ATRNL1: variants seen among roughly 807,000 people sequenced by gnomAD.
The protein encoded by ATRNL1 is attractin like 1.
In ATRNL1, 95 loss-of-function variants were observed where a neutral mutation model predicts 182.7. That is an observed-to-expected ratio of 0.52 (90% CI 0.44 to 0.62). The LOEUF (loss-of-function observed/expected upper bound fraction) is 0.62. Ranked by LOEUF, ATRNL1 falls within the 20% of genes least tolerant of loss-of-function variation. ATRNL1 has a pLI of 0.00. For missense variants in ATRNL1, 1,471 were observed against 1,679.5 expected, an observed-to-expected ratio of 0.88 and a Z score of 2.17; for synonymous variants, 576 against 568.3, an observed-to-expected ratio of 1.01 and a Z score of -0.19.
intron 3 of ATRNL1, among the ~76,000 whole-genome samples, chr10:115,125,416 C>A (rs1470903724): frequency 3.3e-5 from 5 of 151,906 alleles, no homozygotes; most frequent in African/African-American, 7.3e-5. Context: ...TGCTTGTACA[C>A]CACACTAAAG....
chr10:115,565,552 C>T (rs1451561747), intron 26 of ATRNL1, among the ~76,000 whole-genome samples: 1 of 151,912 alleles, frequency 6.6e-6, no homozygotes, highest in African/African-American at 2.4e-5. Flanking sequence ...GGCTTTCTAC[C>T]TATGCATTTA....
chr10:115,898,138 G>A (rs1555112939), intron 28 of ATRNL1, among the ~76,000 whole-genome samples: 1 of 152,052 alleles, frequency 6.6e-6, no homozygotes, highest in East Asian at 1.9e-4. Flanking sequence ...TGTTGGCCAG[G>A]ATGGTCTCAA....
intron 26 of ATRNL1, among the ~76,000 whole-genome samples, chr10:115,675,594 C>G (rs763152854): frequency 2.0e-5 from 3 of 152,002 alleles, no homozygotes; most frequent in Non-Finnish European, 4.4e-5. Context: ...ATGCTATCTT[C>G]CAAAGTTCAG....
intron 28 of ATRNL1, 56 bp downstream of exon 28, chr10:115,848,047 G>T (rs948480445): frequency 6.1e-5 from 58 of 948,502 alleles, no homozygotes; most frequent in Non-Finnish European, 9.4e-5. Context: ...CTGAACAGAA[G>T]AAATAAACAA....
At chr10:115,230,749 G>T (rs1223137795) in intron 9 of ATRNL1, among the ~76,000 whole-genome samples, 5 of 152,024 alleles carry the variant, frequency 3.3e-5, no homozygotes, top group African/African-American at 9.7e-5. Flanking sequence ...AGAGGGAGAT[G>T]ATGGTATCTG....
intron 10 of ATRNL1, 106 bp downstream of exon 10, chr10:115,241,831 T>A: frequency 1.1e-6 from 1 of 904,156 alleles, no homozygotes; most frequent in Non-Finnish European, 1.6e-6. Context: ...ATTTTAGAGT[T>A]AAGTGATAGA....
At chr10:115,825,378 A>G (rs1950406360) in intron 27 of ATRNL1, among the ~76,000 whole-genome samples, 1 of 152,242 alleles carries the variant, frequency 6.6e-6, no homozygotes, top group Non-Finnish European at 1.5e-5. Context: ...GTATATACCT[A>G]TGAACAAACC....
chr10:115,916,603 A>G (rs1163351714), intron 28 of ATRNL1, among the ~76,000 whole-genome samples: 3 of 152,190 alleles, frequency 2.0e-5, no homozygotes, highest in Non-Finnish European at 2.9e-5. Context: ...AGCACATCCT[A>G]TTTTTGTACT....
intron 10 of ATRNL1, among the ~76,000 whole-genome samples, chr10:115,256,135 G>A (rs1409212957): frequency 6.6e-6 from 1 of 152,144 alleles, no homozygotes; most frequent in Non-Finnish European, 1.5e-5. Flanking sequence ...TTGGTATCAG[G>A]ATGATGCTGG....
intron 20 of ATRNL1, 37 bp downstream of exon 20, chr10:115,394,789 G>A (rs1213595082): frequency 6.9e-7 from 1 of 1,448,772 alleles, no homozygotes; most frequent in Non-Finnish European, 9.5e-7. Flanking sequence ...TTCGTGGATT[G>A]AATTTGTGTT....
intron 27 of ATRNL1, among the ~76,000 whole-genome samples, chr10:115,799,035 C>T (rs186365915): frequency 1.7e-3 from 251 of 152,028 alleles, no homozygotes; most frequent in Non-Finnish European, 3.0e-3. Context: ...CTATGTTGGC[C>T]GGGCTGGTCT....
intron 26 of ATRNL1, among the ~76,000 whole-genome samples, chr10:115,573,337 T>C (rs1385176270): frequency 6.6e-5 from 10 of 151,956 alleles, no homozygotes; most frequent in African/African-American, 7.3e-5. Flanking sequence ...CCTCTTCTTC[T>C]CTCTTTCTCC....
intron 19 of ATRNL1, among the ~76,000 whole-genome samples, chr10:115,371,416 A>T (rs1857389128): frequency 1.3e-5 from 2 of 152,224 alleles, no homozygotes; most frequent in African/African-American, 4.8e-5. Flanking sequence ...GTACCCTGTA[A>T]AGCCACAGGA....
chr10:115,900,052 G>A (rs2134487337), intron 28 of ATRNL1, among the ~76,000 whole-genome samples: 1 of 152,268 alleles, frequency 6.6e-6, no homozygotes, highest in Middle Eastern at 3.4e-3. Flanking sequence ...TATGCTACTG[G>A]CATAATACAA....
chr10:115,150,721 T>A (rs528834378), intron 5 of ATRNL1, among the ~76,000 whole-genome samples: 6 of 152,256 alleles, frequency 3.9e-5, no homozygotes, highest in African/African-American at 1.4e-4. Flanking sequence ...TAAATTTTTT[T>A]TGAAGTTTTT....
At chr10:115,363,080 C>G (rs1554944810) in intron 19 of ATRNL1, among the ~76,000 whole-genome samples, 2 of 149,212 alleles carry the variant, frequency 1.3e-5, no homozygotes, top group Admixed American at 1.3e-4. Flanking sequence ...GTTCTAGATC[C>G]CTGAGGAATC....
At chr10:115,471,374 G>C (rs782796902) in intron 24 of ATRNL1, among the ~76,000 whole-genome samples, 2 of 150,922 alleles carry the variant, frequency 1.3e-5, no homozygotes, top group Non-Finnish European at 3.0e-5. Flanking sequence ...TGGTGGGATT[G>C]CTGGATCATT....
intron 21 of ATRNL1, among the ~76,000 whole-genome samples, chr10:115,436,753 A>G (rs977814718): frequency 6.6e-6 from 1 of 152,074 alleles, no homozygotes; most frequent in Non-Finnish European, 1.5e-5. Flanking sequence ...ACTGTCATTT[A>G]CTTGCGTTTA....
At chr10:115,444,389 T>C (rs918891875) in intron 21 of ATRNL1, among the ~76,000 whole-genome samples, 27 of 152,172 alleles carry the variant, frequency 1.8e-4, no homozygotes, top group African/African-American at 5.8e-4. Flanking sequence ...GTATAGGTAT[T>C]TATATATTAA....
Sources: allele counts gnomAD v4.1 joint callset (sites outside exome capture counted in the v4.1 genomes callset), GRCh38; gene constraint gnomAD v4.1.1; transcripts MANE v1.5; gene names NCBI Gene and HGNC (gene_info 2026-07-23, HGNC 2026-07-21).